The following TCERG1L variants were observed in gnomAD, a reference collection of about 807,000 sequenced individuals.
TCERG1L encodes the protein transcription elongation regulator 1-like protein.
In TCERG1L, 37 loss-of-function variants were observed where a neutral mutation model predicts 56.3. The ratio of observed to expected loss-of-function variants is 0.66; its 90% CI spans 0.51 to 0.87. TCERG1L has a LOEUF of 0.87. Ranked by LOEUF, TCERG1L falls within the 40% of genes least tolerant of loss-of-function variation. The pLI, the probability that TCERG1L is intolerant of heterozygous loss-of-function variation, is 0.00. For synonymous variants in TCERG1L, 324 were observed against 326.3 expected, an observed-to-expected ratio of 0.99 and a Z score of 0.08; for missense variants, 799 against 774.2, an observed-to-expected ratio of 1.03 and a Z score of -0.38.
chr10:131,139,262 T>G (rs955922647), intron 7 of TCERG1L, among the ~76,000 whole-genome samples: 3 of 152,238 alleles, frequency 2.0e-5, no homozygotes, highest in African/African-American at 7.2e-5. Flanking sequence ...ACAATCGATA[T>G]GTTTGCAGAA....
chr10:131,152,459 T>C (rs1322595930), intron 6 of TCERG1L, among the ~76,000 whole-genome samples: 1 of 152,234 alleles, frequency 6.6e-6, no homozygotes, highest in Non-Finnish European at 1.5e-5. Context: ...TATATCACTG[T>C]CTATGTTTTG....
At chr10:131,205,589 C>T (rs2133481183) in intron 4 of TCERG1L, among the ~76,000 whole-genome samples, 1 of 152,298 alleles carries the variant, frequency 6.6e-6, no homozygotes, top group African/African-American at 2.4e-5. Context: ...TCCAGTGCAG[C>T]CCTGGGGACG....
chr10:131,243,851 A>C (rs185696804), intron 4 of TCERG1L, among the ~76,000 whole-genome samples: 1 of 152,328 alleles, frequency 6.6e-6, no homozygotes, highest in Admixed American at 6.5e-5. Flanking sequence ...AAATCATGAG[A>C]TAGGTCGCTG....
intron 4 of TCERG1L, among the ~76,000 whole-genome samples, chr10:131,253,270 G>A (rs1846130841): frequency 6.6e-6 from 1 of 152,172 alleles, no homozygotes; most frequent in Admixed American, 6.5e-5. Context: ...TGGTGCAGAA[G>A]AACGACATCC....
At chr10:131,209,077 G>A (rs1214155003) in intron 4 of TCERG1L, among the ~76,000 whole-genome samples, 5 of 136,578 alleles carry the variant, frequency 3.7e-5, no homozygotes, top group African/African-American at 1.1e-4. Flanking sequence ...AAAAAAAATC[G>A]TAGTCAAAAC....
intron 4 of TCERG1L, among the ~76,000 whole-genome samples, chr10:131,228,310 C>T (rs12761534): frequency 2.6e-5 from 1 of 39,052 alleles, no homozygotes; most frequent in African/African-American, 9.9e-5. Flanking sequence ...TCAAGGCCTC[C>T]GGAGTCTTCC....
chr10:131,110,682 C>T (rs1163588641), intron 9 of TCERG1L, among the ~76,000 whole-genome samples: 2 of 152,228 alleles, frequency 1.3e-5, no homozygotes, highest in East Asian at 1.9e-4. Context: ...TATAAAACAA[C>T]GCCAGGGAAA....
chr10:131,209,412 A>AGTCATTAAATAGAAACGTGGACCACGTT (rs1290034350), intron 4 of TCERG1L, among the ~76,000 whole-genome samples: 1 of 152,222 alleles, frequency 6.6e-6, no homozygotes, highest in South Asian at 2.1e-4. Context: ...GGGGAAGTGG[A>AGTCATTAAATAGAAACGTGGACCACGTT]TACCTGTATA....
At chr10:131,285,117 C>G (rs1349470957) in intron 3 of TCERG1L, among the ~76,000 whole-genome samples, 3 of 152,114 alleles carry the variant, frequency 2.0e-5, no homozygotes, top group Non-Finnish European at 4.4e-5. Context: ...GTGGCTCACA[C>G]CTTTAATCCC....
chr10:131,311,554 G>T lies in TCERG1L; in HGVS notation c.82C>A (p.Pro28Thr). 1.0e-5 allele frequency: 12 copies of T among 1,170,548 alleles called. No homozygotes were observed. The highest frequency in any genetic ancestry group is 1.3e-5 in the Non-Finnish European group (12 of 949,840). 72.5% of individuals were successfully genotyped at this position (1,170,548 alleles called of 1,614,324 possible). ...QPRRRQPLLW[P>T]MDAEPPPPPP... ...GGCGGCGGCGGCTCTGCGTCCATCG[G>T]CCAGAGGAGAGGCTGCCGCCGCCGG... Residue 28 changes from proline to threonine, a missense_variant, in exon 1 of 12, where the codon CCG becomes ACG. Pro to Thr is a conservative substitution (Grantham distance 38). Coordinates refer to ENST00000368642, the MANE Select transcript of TCERG1L (RefSeq NM_174937.4). The surrounding 1 kb of genome is among the most constrained non-coding windows in gnomAD (Gnocchi z 4.0).
chr10:131,132,898 A>T (rs983731886), intron 8 of TCERG1L, among the ~76,000 whole-genome samples: 1 of 151,980 alleles, frequency 6.6e-6, no homozygotes, highest in African/African-American at 2.4e-5. Flanking sequence ...GCGGCCCTAG[A>T]CCTCCCCACA....
At chr10:131,147,794 C>T (rs747329351) in intron 6 of TCERG1L, among the ~76,000 whole-genome samples, 18 of 152,378 alleles carry the variant, frequency 1.2e-4, no homozygotes, top group East Asian at 5.8e-4. Context: ...CTGTCGGGCA[C>T]GGCCTAGGCC....
intron 9 of TCERG1L, among the ~76,000 whole-genome samples, chr10:131,110,226 G>C (rs575604121): frequency 6.6e-6 from 1 of 152,342 alleles, no homozygotes; most frequent in Admixed American, 6.5e-5. Context: ...GCAAGATGCA[G>C]ACCACGCGGG....
chr10:131,276,452 C>T (rs952190509), intron 3 of TCERG1L, among the ~76,000 whole-genome samples: 2 of 152,208 alleles, frequency 1.3e-5, no homozygotes, highest in Non-Finnish European at 2.9e-5. Flanking sequence ...TATCATCAGG[C>T]AGCTGTTTTC....
chr10:131,260,153 C>T lies in TCERG1L; in HGVS notation c.856+106G>A. On this transcript the variant is annotated intron_variant, in intron 4 of 11. Coordinates refer to ENST00000368642, the MANE Select transcript of TCERG1L (RefSeq NM_174937.4). The surrounding 1 kb of genome is among the most constrained non-coding windows in gnomAD (Gnocchi z 5.8). ...AATGTTTCCCTCAACCGGAGCCGGG[C>T]TTCAGGTCCCACAGCGCCTGGGCCC... 1 of 1,238,760 alleles carries T rather than the reference C, an allele frequency of 8.1e-7. No homozygotes were observed. Among genetic ancestry groups the T allele is most frequent in the Non-Finnish European group, 1.0e-6 (1 of 991,338 alleles). 76.7% of individuals were successfully genotyped at this position (1,238,760 alleles called of 1,614,324 possible). A position where few individuals can be genotyped will look rare whatever the true frequency, so the allele number is the denominator to read the frequency against.
chr10:131,223,882 GCTCA>G (rs1845763326), intron 4 of TCERG1L, among the ~76,000 whole-genome samples: 2 of 150,352 alleles, frequency 1.3e-5, no homozygotes, highest in South Asian at 4.2e-4. Flanking sequence ...TCAGGACGCA[GCTCA>G]CTAATAGATC....
chr10:131,143,245 T>G (rs1478040755), intron 7 of TCERG1L, among the ~76,000 whole-genome samples: 1 of 151,884 alleles, frequency 6.6e-6, no homozygotes, highest in African/African-American at 2.4e-5. Flanking sequence ...AGTGTGGGGG[T>G]TGCACGCACC....
intron 4 of TCERG1L, among the ~76,000 whole-genome samples, chr10:131,235,537 C>A (rs61861229): frequency 5.9e-5 from 9 of 152,076 alleles, no homozygotes; most frequent in Non-Finnish European, 7.3e-5. Context: ...TATTGATAGG[C>A]AACTACTATA....
At chr10:131,285,486 AAG>A (rs1344634178) in intron 3 of TCERG1L, among the ~76,000 whole-genome samples, 1 of 18,896 alleles carries the variant, frequency 5.3e-5, no homozygotes, top group Non-Finnish European at 2.0e-4. Context: ...GAAAGAAAGA[AAG>A]AAAGAAAGAA....
Sources: gnomAD v4.1 joint callset for allele counts (sites outside exome capture counted in the v4.1 genomes callset) on GRCh38, gnomAD v4.1.1 for gene constraint, Gnocchi (gnomAD v3.1) non-coding constraint, MANE v1.5 for transcripts, NCBI Gene and HGNC (gene_info 2026-07-23, HGNC 2026-07-21) for gene names.